Variants in CADM1 observed in about 807,000 individuals in gnomAD.
CADM1 encodes cell adhesion molecule 1.
In CADM1, 15 loss-of-function variants were observed where a neutral mutation model predicts 53.1. That is an observed-to-expected ratio of 0.28 (90% confidence interval 0.19 to 0.44). The LOEUF (loss-of-function observed/expected upper bound fraction) is 0.44, where lower values mean the gene tolerates loss of function less well. Ranked by LOEUF, CADM1 falls within the 20% of genes least tolerant of loss-of-function variation. The probability of loss-of-function intolerance (pLI) is 1.00; values close to 1 mark genes in which losing one functional copy is unlikely to be tolerated. For synonymous variants in CADM1, 281 were observed against 243.0 expected, an observed-to-expected ratio of 1.16 and a Z score of -1.45; for missense variants, 434 against 611.3, an observed-to-expected ratio of 0.71 and a Z score of 3.06.
At chr11:115,382,847 C>T (rs1362633244) in intron 1 of CADM1, among the ~76,000 whole-genome samples, 6 of 151,928 alleles carry the variant, frequency 3.9e-5, no homozygotes, top group African/African-American at 9.7e-5. Flanking sequence ...AGATGGTACA[C>T]GTGACAAGAA....
At chr11:115,238,363 A>T in intron 3 of CADM1, 137 bp downstream of exon 3, 2 of 967,928 alleles carry the variant, frequency 2.1e-6, no homozygotes, top group Non-Finnish European at 3.3e-6. Flanking sequence ...GGCTATTTTT[A>T]AAATTCAGCA....
intron 1 of CADM1, among the ~76,000 whole-genome samples, chr11:115,475,334 G>C (rs1294120079): frequency 4.0e-5 from 6 of 151,248 alleles, no homozygotes; most frequent in Non-Finnish European, 8.8e-5. Flanking sequence ...TTTTCTATCT[G>C]AAGCTGGTTG....
chr11:115,280,010 G>A (rs759186830), intron 1 of CADM1, among the ~76,000 whole-genome samples: 12 of 152,132 alleles, frequency 7.9e-5, no homozygotes, highest in Non-Finnish European at 1.6e-4. Flanking sequence ...AGACTTGGCC[G>A]CAATGCATGC....
intron 2 of CADM1, among the ~76,000 whole-genome samples, chr11:115,239,316 G>T (rs1419152940): frequency 6.6e-6 from 1 of 152,104 alleles, no homozygotes; most frequent in Non-Finnish European, 1.5e-5. Flanking sequence ...GCCAAAAGTG[G>T]ATGACCTCGA....
chr11:115,259,867 C>G (rs540327182), intron 1 of CADM1, among the ~76,000 whole-genome samples: 1 of 152,324 alleles, frequency 6.6e-6, no homozygotes, highest in South Asian at 2.1e-4. Context: ...TTAGCTCTAG[C>G]CTTCTCCTTT....
chr11:115,246,086 A>C (rs1591639193), intron 1 of CADM1, among the ~76,000 whole-genome samples: 1 of 152,344 alleles, frequency 6.6e-6, no homozygotes, highest in East Asian at 1.9e-4. Context: ...ACCAGGGTCC[A>C]AAGAGAGGGG....
At chr11:115,316,521 CCAAGAGGAGACA>C (rs944918286) in intron 1 of CADM1, among the ~76,000 whole-genome samples, 3 of 152,092 alleles carry the variant, frequency 2.0e-5, no homozygotes, top group Non-Finnish European at 4.4e-5. Flanking sequence ...CTTGCTAAAG[CCAAGAGGAGACA>C]TGGGCACAAA....
intron 1 of CADM1, among the ~76,000 whole-genome samples, chr11:115,291,248 A>C (rs948797502): frequency 2.2e-4 from 34 of 152,238 alleles, no homozygotes; most frequent in African/African-American, 8.0e-4. Context: ...CTAATTGAAC[A>C]TACAGTAATT....
chr11:115,217,007 G>A (rs1380500327), intron 6 of CADM1, among the ~76,000 whole-genome samples: 1 of 152,144 alleles, frequency 6.6e-6, no homozygotes, highest in Admixed American at 6.5e-5. Flanking sequence ...GCTGTTTTTT[G>A]TTGGGTACCA....
intron 1 of CADM1, among the ~76,000 whole-genome samples, chr11:115,261,617 C>T (rs552330202): frequency 1.7e-4 from 26 of 152,192 alleles, no homozygotes; most frequent in East Asian, 3.9e-4. Context: ...TATAGGAATA[C>T]GAGAAGTCAT....
chr11:115,262,246 T>C (rs1354818491), intron 1 of CADM1, among the ~76,000 whole-genome samples: 1 of 152,074 alleles, frequency 6.6e-6, no homozygotes, highest in South Asian at 2.1e-4. Flanking sequence ...TGTTACCAAC[T>C]AGGATTTTAT....
chr11:115,357,509 A>T (rs1301790881), intron 1 of CADM1, among the ~76,000 whole-genome samples: 1 of 152,160 alleles, frequency 6.6e-6, no homozygotes, highest in African/African-American at 2.4e-5. Flanking sequence ...AGAGGTTACC[A>T]CCACAGACTT....
rs754468164 is a variant in CADM1 at position 115,198,412 on chromosome 11, C to T, written c.1105G>A (p.Val369Ile). 3.1e-6 allele frequency: 5 copies of T among 1,595,162 alleles called. No homozygotes were observed. In the African/African-American group the frequency reaches 6.7e-5, roughly 21 times the overall value. ...ACAGTAATGTGATACCAACCGTGAA[C>T]TGCTGGTTCTGTCGTCGCCGTTGTG... ...TDTTATTEPA[V>I]HGLTQLPNSA... Residue 369 changes from valine (V) to isoleucine (I), a missense_variant, in exon 9 of 12, where the codon GTT becomes ATT. Val to Ile is a conservative substitution (Grantham distance 29, BLOSUM62 3). Around this residue, in one of 4 missense-constraint regions of CADM1, gnomAD observed 311 missense variants for 435.1 expected, o/e 0.71. Transcript: ENST00000331581.
intron 1 of CADM1, among the ~76,000 whole-genome samples, chr11:115,402,088 G>A (rs1947172544): frequency 6.6e-6 from 1 of 152,084 alleles, no homozygotes; most frequent in South Asian, 2.1e-4. Flanking sequence ...ATAACTTTGT[G>A]TACATAAAAA....
At chr11:115,305,072 C>T (rs1220154419) in intron 1 of CADM1, among the ~76,000 whole-genome samples, 1 of 151,972 alleles carries the variant, frequency 6.6e-6, no homozygotes, top group African/African-American at 2.4e-5. Context: ...GACATAGAAG[C>T]TCACAGATGG....
At chr11:115,255,098 G>C (rs1402614764) in intron 1 of CADM1, among the ~76,000 whole-genome samples, 1 of 152,114 alleles carries the variant, frequency 6.6e-6, no homozygotes, top group Non-Finnish European at 1.5e-5. Flanking sequence ...GAGTGAGCAG[G>C]AGTCGAGAAT....
At chr11:115,338,828 T>C (rs1461773290) in intron 1 of CADM1, among the ~76,000 whole-genome samples, 1 of 151,990 alleles carries the variant, frequency 6.6e-6, no homozygotes, top group Non-Finnish European at 1.5e-5. Context: ...TGTAAGATCC[T>C]GTACTTTCTA....
chr11:115,390,651 C>T (rs1591771668), intron 1 of CADM1, among the ~76,000 whole-genome samples: 1 of 132,006 alleles, frequency 7.6e-6, no homozygotes, highest in Non-Finnish European at 1.6e-5. Context: ...GAGTCACCAG[C>T]AAAAGGTTAG....
chr11:115,459,377 T>C (rs191502529), intron 1 of CADM1, among the ~76,000 whole-genome samples: 6 of 152,292 alleles, frequency 3.9e-5, no homozygotes, highest in Admixed American at 2.6e-4. Context: ...TTTTTAAACA[T>C]TGAATTTATA....
Sources: allele counts gnomAD v4.1 joint callset (sites outside exome capture counted in the v4.1 genomes callset), GRCh38; gene constraint gnomAD v4.1.1; regional missense constraint gnomAD v4.1.1; transcripts MANE v1.5; gene names NCBI Gene and HGNC (gene_info 2026-07-23, HGNC 2026-07-21).